CDK19: variants seen among roughly 807,000 people sequenced by gnomAD.
CDK19 encodes the protein cyclin dependent kinase 19, also known as cyclin-dependent kinase 19.
Under a neutral mutation model 68.3 loss-of-function variants are expected in CDK19, and 20 were observed. The ratio of observed to expected loss-of-function variants is 0.29; its 90% CI spans 0.21 to 0.43. The LOEUF is 0.43. Ranked by LOEUF, CDK19 falls within the 20% of genes least tolerant of loss-of-function variation. The pLI is 1.00. For missense variants in CDK19, 339 were observed against 623.5 expected (o/e 0.54, Z 4.86); for synonymous variants, 221 against 222.8 (o/e 0.99, Z 0.07).
At chr6:110,709,774 T>C (rs924295957) in intron 2 of CDK19, among the ~76,000 whole-genome samples, 3 of 152,192 alleles carry the variant, frequency 2.0e-5, no homozygotes, top group African/African-American at 7.2e-5. Context: ...TTCACAATCA[T>C]GCTAGAAACC....
intron 2 of CDK19, among the ~76,000 whole-genome samples, chr6:110,684,101 T>C (rs1392825101): frequency 2.6e-5 from 4 of 151,894 alleles, no homozygotes; most frequent in Non-Finnish European, 5.9e-5. Flanking sequence ...ATATGAAAAA[T>C]GAAACAGATA....
chr6:110,689,158 T>C (rs888633661), intron 2 of CDK19, among the ~76,000 whole-genome samples: 3 of 152,134 alleles, frequency 2.0e-5, no homozygotes, highest in African/African-American at 7.2e-5. Context: ...GCATGAACTC[T>C]TCTGTGCAGC....
intron 2 of CDK19, among the ~76,000 whole-genome samples, chr6:110,710,702 C>T (rs894494601): frequency 1.3e-5 from 2 of 152,150 alleles, no homozygotes; most frequent in African/African-American, 2.4e-5. Flanking sequence ...CTGTTTATAA[C>T]GGCACCAATC....
chr6:110,759,271 G>A (rs1562264797), intron 1 of CDK19, among the ~76,000 whole-genome samples: 1 of 150,782 alleles, frequency 6.6e-6, no homozygotes, highest in Non-Finnish European at 1.5e-5. Flanking sequence ...CAGGCATGGT[G>A]GCGGGTGCCT....
intron 2 of CDK19, among the ~76,000 whole-genome samples, chr6:110,731,592 G>A (rs1258334070): frequency 5.3e-5 from 8 of 152,138 alleles, no homozygotes; most frequent in East Asian, 3.8e-4. Flanking sequence ...CTGATTTTAC[G>A]GTATGTGAAT....
chr6:110,744,478 G>T (rs1777931366), intron 2 of CDK19, among the ~76,000 whole-genome samples: 1 of 152,088 alleles, frequency 6.6e-6, no homozygotes, highest in Admixed American at 6.6e-5. Context: ...GTTACAGTGA[G>T]ATATGATTAA....
At chr6:110,697,929 C>A (rs1175260715) in intron 2 of CDK19, among the ~76,000 whole-genome samples, 1 of 152,046 alleles carries the variant, frequency 6.6e-6, no homozygotes, top group Non-Finnish European at 1.5e-5. Flanking sequence ...ACACCCTATT[C>A]AACAAAAAGT....
At chr6:110,625,485 C>T (rs917840187) in intron 8 of CDK19, among the ~76,000 whole-genome samples, 2 of 151,806 alleles carry the variant, frequency 1.3e-5, no homozygotes, top group Non-Finnish European at 1.5e-5. Flanking sequence ...TTTTATTGTA[C>T]CCTTGCGAAC....
intron 2 of CDK19, among the ~76,000 whole-genome samples, chr6:110,679,549 T>C (rs1582846171): frequency 6.6e-6 from 1 of 151,918 alleles, no homozygotes; most frequent in African/African-American, 2.4e-5. Flanking sequence ...GAGGCGGAGG[T>C]TGCAGTGAGC....
chr6:110,814,379 G>A (rs1783393811), intron 1 of CDK19, among the ~76,000 whole-genome samples: 1 of 152,252 alleles, frequency 6.6e-6, no homozygotes, highest in Admixed American at 6.5e-5. Context: ...TTCAGAATGT[G>A]AGAATGAGAA....
rs58620857 is a variant in CDK19 at position 110,617,856 on chromosome 6, C to CAA, written c.1378-3192_1378-3191dup. On this transcript the variant is annotated intron_variant, in intron 12 of 12. Transcript: ENST00000368911. ...TGGGTGACACAGTGAGACTCTGTCT[C>CAA]AAAAAAAAAAAAAAAAAAAAAAAAA... Among the ~76,000 whole-genome samples, 190 of 17,340 alleles carry CAA rather than the reference C, an allele frequency of 0.011. 45 individuals are homozygous for CAA. The East Asian group carries it at 0.18, about 17-fold the overall frequency. The allele number at this position is 17,340 out of a possible 152,430, so 11.4% of individuals were successfully genotyped here. A position where few individuals can be genotyped will look rare whatever the true frequency, so the allele number is the denominator to read the frequency against.
Position 110,815,232 on chromosome 6 carries a change from A to G in CDK19, c.-96T>C. 2 of 1,120,852 alleles carry G rather than the reference A, an allele frequency of 1.8e-6. No individual in the cohort carries two copies. Among genetic ancestry groups the G allele is most frequent in the East Asian group, 4.1e-5 (1 of 24,268 alleles). 69.4% of individuals were successfully genotyped at this position (1,120,852 alleles called of 1,614,324 possible). On this transcript the variant is annotated 5_prime_UTR_variant, in exon 1 of 13. Transcript: ENST00000368911. ...GCGACCGCCGCTCCACTTCTCCAACAGCCGCCTCTCGCGCGCGCGCGCGCG... is the reference window on the plus strand; with the variant it reads ...GCGACCGCCGCTCCACTTCTCCAACGGCCGCCTCTCGCGCGCGCGCGCGCG...
At chr6:110,681,615 T>C (rs750419561) in intron 2 of CDK19, among the ~76,000 whole-genome samples, 29 of 152,200 alleles carry the variant, frequency 1.9e-4, no homozygotes, top group Admixed American at 7.2e-4. Flanking sequence ...GAGATGGCCA[T>C]ACTTGTACTT....
At chr6:110,646,033 C>T (rs1780548212) in intron 4 of CDK19, 6 of 934,648 alleles carry the variant, frequency 6.4e-6, no homozygotes, top group South Asian at 4.2e-5. Context: ...GACCTGCGTG[C>T]CATCTACGAA....
intron 1 of CDK19, among the ~76,000 whole-genome samples, chr6:110,806,224 C>T (rs1353611032): frequency 6.6e-6 from 1 of 151,502 alleles, no homozygotes; most frequent in Non-Finnish European, 1.5e-5. Flanking sequence ...CCTGTAATCC[C>T]AGCTACTTGG....
chr6:110,756,777 C>A (rs913907984), intron 1 of CDK19, among the ~76,000 whole-genome samples: 13 of 151,992 alleles, frequency 8.6e-5, no homozygotes, highest in African/African-American at 3.1e-4. Flanking sequence ...AGTGTTGTCT[C>A]AGTGAAATTA....
At chr6:110,656,685 A>C (rs1378444093) in intron 4 of CDK19, among the ~76,000 whole-genome samples, 1 of 152,244 alleles carries the variant, frequency 6.6e-6, no homozygotes, top group South Asian at 2.1e-4. Context: ...CACTGCCAAC[A>C]GTTAACAATG....
chr6:110,748,815 A>T (rs1255340559), intron 1 of CDK19, among the ~76,000 whole-genome samples: 2 of 152,226 alleles, frequency 1.3e-5, no homozygotes, highest in Non-Finnish European at 2.9e-5. Flanking sequence ...CAAGTAGAGG[A>T]ATTCATACCT....
intron 2 of CDK19, among the ~76,000 whole-genome samples, chr6:110,727,763 G>A (rs1369791722): frequency 1.3e-5 from 2 of 151,096 alleles, no homozygotes; most frequent in Non-Finnish European, 3.0e-5. Context: ...GCTTGAGCCC[G>A]GAAGTTTGAG....
Sources: gnomAD v4.1 joint callset for allele counts (sites outside exome capture counted in the v4.1 genomes callset) on GRCh38, gnomAD v4.1.1 for gene constraint, MANE v1.5 for transcripts, NCBI Gene and HGNC (gene_info 2026-07-23, HGNC 2026-07-21) for gene names.